Variants in PACRG observed in about 807,000 individuals in gnomAD.
PACRG encodes the protein parkin coregulated gene protein.
Under a neutral mutation model 29.7 loss-of-function variants are expected in PACRG, and 29 were observed. The observed-to-expected ratio is 0.98, with a 90% CI of 0.73 to 1.33. The LOEUF (loss-of-function observed/expected upper bound fraction) is 1.33. PACRG is among the 40% of genes most tolerant of loss of function. The pLI is 0.00. For synonymous variants in PACRG, 116 were observed against 118.7 expected (o/e 0.98, Z 0.15); for missense variants, 279 against 316.2 (o/e 0.88, Z 0.89).
chr6:163,123,660 C>G lies in PACRG; in HGVS notation c.613+34252C>G, dbSNP rs1305436361. 1.3e-5 allele frequency among the ~76,000 whole-genome samples: 2 copies of G among 152,172 alleles called. 1 individual carries two copies. The highest frequency in any genetic ancestry group is 2.9e-5 in the Non-Finnish European group (2 of 68,024). ...CCATTGAACAGCAACTCTGCATATGCCCCCTCTCCATCCGCTAGTAACCAG... is the reference window on the plus strand; with the variant it reads ...CCATTGAACAGCAACTCTGCATATGGCCCCTCTCCATCCGCTAGTAACCAG... On this transcript the variant is annotated intron_variant, in intron 4 of 4. Coordinates refer to ENST00000366888, the MANE Select transcript of PACRG (RefSeq NM_001080379.2).
chr6:162,828,620 A>G (rs921009290), intron 2 of PACRG, among the ~76,000 whole-genome samples: 5 of 152,246 alleles, frequency 3.3e-5, no homozygotes, highest in Non-Finnish European at 7.3e-5. Context: ...ATGAAGCAAA[A>G]TAAAGCAGGG....
At chr6:162,893,289 A>G (rs977765582) in intron 2 of PACRG, among the ~76,000 whole-genome samples, 6 of 152,086 alleles carry the variant, frequency 3.9e-5, no homozygotes, top group African/African-American at 1.4e-4. Flanking sequence ...AAATTTTTGG[A>G]AACAGCAGGG....
intron 4 of PACRG, among the ~76,000 whole-genome samples, chr6:163,145,939 T>G (rs1777783318): frequency 1.3e-5 from 2 of 152,172 alleles, no homozygotes; most frequent in Admixed American, 1.3e-4. Flanking sequence ...TGCCTTCACT[T>G]ACGAATGTAA....
intron 4 of PACRG, among the ~76,000 whole-genome samples, chr6:163,253,632 T>C (rs962053219): frequency 2.0e-5 from 3 of 152,188 alleles, no homozygotes; most frequent in Admixed American, 6.5e-5. Flanking sequence ...AAATCTACCC[T>C]AGAAAGAATG....
In PACRG at chr6:163,029,772, G is replaced by A. The variant is rs561170191; in HGVS notation, c.292-32378G>A. ...CAGACTACATGGGGAATGTCTCGGA[G>A]CAGAGGGTACTTGATGCCATTGCTG... On this transcript the variant is annotated intron_variant, in intron 2 of 4. Coordinates refer to ENST00000366888, the MANE Select transcript of PACRG (RefSeq NM_001080379.2). Among the ~76,000 whole-genome samples the A allele has an allele frequency of 8.5e-5, 13 of 152,324 alleles. No individual in the cohort carries two copies. The South Asian group carries it at 2.5e-3, about 29-fold the overall frequency.
chr6:163,181,512 C>G (rs1481224497), intron 4 of PACRG, among the ~76,000 whole-genome samples: 1 of 151,574 alleles, frequency 6.6e-6, no homozygotes, highest in African/African-American at 2.4e-5. Context: ...CTCCCCTCCC[C>G]CTTCCAAGGA....
chr6:163,042,287 T>C (rs1424278637), intron 2 of PACRG, among the ~76,000 whole-genome samples: 1 of 152,142 alleles, frequency 6.6e-6, no homozygotes, highest in Non-Finnish European at 1.5e-5. Flanking sequence ...TTGGTGATGC[T>C]AGAAATTTAG....
intron 4 of PACRG, among the ~76,000 whole-genome samples, chr6:163,207,432 A>T (rs1780952036): frequency 6.6e-6 from 1 of 152,208 alleles, no homozygotes; most frequent in African/African-American, 2.4e-5. Context: ...AAATAAACAC[A>T]TCCTCAAGAA....
intron 2 of PACRG, among the ~76,000 whole-genome samples, chr6:162,998,990 G>A (rs1169114432): frequency 2.6e-5 from 4 of 152,036 alleles, no homozygotes; most frequent in Admixed American, 2.6e-4. Flanking sequence ...CCTTCTGCAG[G>A]GCATGGCCAG....
intron 1 of PACRG, among the ~76,000 whole-genome samples, chr6:162,787,558 T>G (rs1309527867): frequency 1.3e-5 from 1 of 78,884 alleles, no homozygotes; most frequent in Non-Finnish European, 2.3e-5. Context: ...TATATGGTTA[T>G]TGTGTGTGTG....
At chr6:163,100,492 C>T (rs756751178) in intron 4 of PACRG, among the ~76,000 whole-genome samples, 6 of 152,170 alleles carry the variant, frequency 3.9e-5, no homozygotes, top group Non-Finnish European at 5.9e-5. Context: ...ACAGCCACCG[C>T]GCCCTCCAAG....
intron 4 of PACRG, among the ~76,000 whole-genome samples, chr6:163,301,363 G>T (rs910708881): frequency 1.3e-5 from 2 of 152,236 alleles, no homozygotes; most frequent in Non-Finnish European, 2.9e-5. Context: ...AACTATATCT[G>T]AAGGAAAACG....
chr6:163,108,517 T>C (rs1048888524), intron 4 of PACRG, among the ~76,000 whole-genome samples: 1 of 149,200 alleles, frequency 6.7e-6, no homozygotes, highest in Non-Finnish European at 1.5e-5. Flanking sequence ...CCTCAGTCCC[T>C]GAGTAGCTGG....
chr6:163,193,542 G>A (rs1467411069), intron 4 of PACRG, among the ~76,000 whole-genome samples: 5 of 152,182 alleles, frequency 3.3e-5, no homozygotes, highest in Non-Finnish European at 7.3e-5. Flanking sequence ...TAAGAACCCA[G>A]TGCTATGTGC....
intron 4 of PACRG, among the ~76,000 whole-genome samples, chr6:163,224,368 C>CTCAAAAAAAAAAA (rs1781702738): frequency 2.1e-5 from 1 of 47,280 alleles, no homozygotes. Flanking sequence ...GACTCCATCT[C>CTCAAAAAAAAAAA]AAAAAAAAAA....
chr6:163,171,315 C>T (rs1779072966), intron 4 of PACRG, among the ~76,000 whole-genome samples: 1 of 152,180 alleles, frequency 6.6e-6, no homozygotes, highest in Non-Finnish European at 1.5e-5. Context: ...GAGAGCATCC[C>T]CACATTGCAA....
In PACRG at chr6:163,244,605, GC is replaced by G. The variant is rs1782625070; in HGVS notation, c.614-70218del. Among the ~76,000 whole-genome samples the G allele has an allele frequency of 2.0e-5, 3 of 152,240 alleles. No individual in the cohort carries two copies. In the South Asian group the frequency reaches 6.2e-4, roughly 32 times the overall value. ...CAAGAGCTCGTGAGGCTGAACTCAA[GC>G]CCCGGAGATCAAAAGTCCCATACTG... On this transcript the variant is annotated intron_variant, in intron 4 of 4. Coordinates refer to ENST00000366888, the MANE Select transcript of PACRG (RefSeq NM_001080379.2).
intron 2 of PACRG, among the ~76,000 whole-genome samples, chr6:162,962,293 T>TC (rs35971117): frequency 0.15 from 23,527 of 152,128 alleles, 3,180 homozygotes; most frequent in African/African-American, 0.36. Context: ...ATGCTTGTAC[T>TC]CCAGTGACTA....
chr6:163,182,705 T>A (rs191192288), intron 4 of PACRG: 1 of 152,364 alleles, frequency 6.6e-6, no homozygotes, highest in Non-Finnish European at 1.5e-5. Context: ...CTATGTTACC[T>A]CATTTAATCT....
Sources: allele counts gnomAD v4.1 joint callset (sites outside exome capture counted in the v4.1 genomes callset), GRCh38; gene constraint gnomAD v4.1.1; transcripts MANE v1.5; gene names NCBI Gene and HGNC (gene_info 2026-07-23, HGNC 2026-07-21).